SEM1: variants seen among roughly 807,000 people sequenced by gnomAD.
The protein encoded by SEM1 is SEM1 26S proteasome subunit, also known as 26S proteasome complex subunit SEM1.
A neutral mutation model predicts 12.7 loss-of-function variants in SEM1; 3 were observed. The ratio of observed to expected loss-of-function variants is 0.24; its 90% CI spans 0.11 to 0.61. SEM1 has a LOEUF of 0.61. Among genes scored for constraint, SEM1 ranks in the 20% least tolerant of loss-of-function variants. The pLI, the probability that SEM1 is intolerant of heterozygous loss-of-function variation, is 0.88. For synonymous variants in SEM1, 30 were observed against 27.8 expected (o/e 1.08, Z -0.25); for missense variants, 59 against 81.3 (o/e 0.73, Z 1.06).
chr7:96,541,891 A>G (rs536552313), intron 2 of SEM1, among the ~76,000 whole-genome samples: 3 of 142,950 alleles, frequency 2.1e-5, no homozygotes, highest in African/African-American at 7.7e-5. Flanking sequence ...AAATGGCTGT[A>G]GGTGTATGGC....
intron 2 of SEM1, among the ~76,000 whole-genome samples, chr7:96,532,098 A>AG (rs1301607370): frequency 6.6e-6 from 1 of 152,030 alleles, no homozygotes; most frequent in African/African-American, 2.4e-5. Context: ...CCTTTGATAT[A>AG]GGGGCTGTAT....
rs1802744131 is a variant in SEM1 at position 96,486,103 on chromosome 7, GT to G, written c.227+99del. On this transcript the variant is annotated intron_variant, in intron 2 of 3. Transcript: ENST00000356686. ...AGATCACGGTTGAGTATGTCACAAT[GT>G]TGCTGGCCTTTAGTTTTAGTATCTG... 3.7e-6 allele frequency: 3 copies of G among 800,724 alleles called. No individual in the cohort carries two copies. In the South Asian group the frequency reaches 5.3e-5, roughly 14 times the overall value. The allele number at this position is 800,724 out of a possible 1,614,324, so 49.6% of individuals were successfully genotyped here. A position where few individuals can be genotyped will look rare whatever the true frequency, so the allele number is the denominator to read the frequency against.
chr7:96,679,664 A>C lies in SEM1; in HGVS notation c.171-5805T>G, dbSNP rs902669950. On this transcript the variant is annotated intron_variant, in intron 2 of 2. Coordinates refer to the SEM1 transcript ENST00000413065. ...CTCTTTTGCCAGGACATAAGGTTTA[A>C]ATTGTCTAGATACAACCAATTAGAT... Among the ~76,000 whole-genome samples, 17 of 152,208 alleles carry C rather than the reference A, an allele frequency of 1.1e-4. No homozygotes were observed. The East Asian group carries it at 1.9e-3, about 17-fold the overall frequency.
At chr7:96,614,933 T>A (rs1807663548) in intron 2 of SEM1, among the ~76,000 whole-genome samples, 1 of 152,224 alleles carries the variant, frequency 6.6e-6, no homozygotes, top group South Asian at 2.1e-4. Flanking sequence ...TTGTTTTTTC[T>A]TATGAGCCTC....
At chr7:96,583,216 C>A (rs1379536976) in intron 2 of SEM1, among the ~76,000 whole-genome samples, 1 of 149,144 alleles carries the variant, frequency 6.7e-6, no homozygotes, top group Non-Finnish European at 1.5e-5. Context: ...TTTCTGCCTT[C>A]ATTTCGTTAT....
Position 96,552,024 on chromosome 7 carries a change from C to T in SEM1, c.171-45326G>A, listed in dbSNP as rs1037670563. Among the ~76,000 whole-genome samples, 69 of 152,148 alleles carry T rather than the reference C, an allele frequency of 4.5e-4. 1 individual carries two copies. Among genetic ancestry groups the T allele is most frequent in the Admixed American group, 4.3e-3 (65 of 15,278 alleles). ...AGTACACAGAGTTGAGGTTGCCCCT[C>T]GCAGGAGTCTCACATCCCACAGGAA... On this transcript the variant is annotated intron_variant and NMD_transcript_variant, in intron 2 of 3. Transcript: ENST00000466986.
chr7:96,682,060 T>C (rs934844035), intron 2 of SEM1, among the ~76,000 whole-genome samples: 3 of 152,142 alleles, frequency 2.0e-5, no homozygotes, highest in African/African-American at 7.2e-5. Context: ...TCTTATTTCC[T>C]TGAGCAGTGG....
chr7:96,588,906 A>G (rs1806742272), intron 2 of SEM1, among the ~76,000 whole-genome samples: 1 of 152,268 alleles, frequency 6.6e-6, no homozygotes, highest in African/African-American at 2.4e-5. Flanking sequence ...ACATGGGTAT[A>G]TGTAAACCAT....
At chr7:96,635,628 A>C (rs960544483) in intron 2 of SEM1, among the ~76,000 whole-genome samples, 1 of 151,882 alleles carries the variant, frequency 6.6e-6, no homozygotes, top group Non-Finnish European at 1.5e-5. Context: ...TAGTTGAAGC[A>C]ATATACAAAC....
chr7:96,647,186 A>G (rs1463639711), intron 2 of SEM1, among the ~76,000 whole-genome samples: 4 of 152,178 alleles, frequency 2.6e-5, no homozygotes, highest in African/African-American at 9.7e-5. Flanking sequence ...GAGGTGAGGT[A>G]TAGCACTGCA....
rs895329851 is a variant in SEM1, at chr7:96,607,463, A to G, written c.170+87335T>C. 2.0e-5 allele frequency among the ~76,000 whole-genome samples: 3 copies of G among 152,356 alleles called. No homozygotes were observed. In the South Asian group the frequency reaches 6.2e-4, roughly 32 times the overall value. On this transcript the variant is annotated intron_variant and NMD_transcript_variant, in intron 2 of 3. Transcript: ENST00000466986. ...ATAGACTGTTCACTCTTTTTGAGGA[A>G]GAAATGTTTATGGTAAAATTATCTC...
chr7:96,704,261 GAAA>G (rs1790374468), intron 1 of SEM1, among the ~76,000 whole-genome samples: 1 of 151,648 alleles, frequency 6.6e-6, no homozygotes, highest in African/African-American at 2.4e-5. Flanking sequence ...GGATACTAAA[GAAA>G]AAAACATTTA....
intron 2 of SEM1, among the ~76,000 whole-genome samples, chr7:96,624,169 T>TATC (rs1563087434): frequency 6.6e-6 from 1 of 152,210 alleles, no homozygotes; most frequent in Non-Finnish European, 1.5e-5. Context: ...ACCACCATTC[T>TATC]ATCTACTAAA....
At chr7:96,593,952 A>G (rs1190221905) in intron 2 of SEM1, among the ~76,000 whole-genome samples, 2 of 151,118 alleles carry the variant, frequency 1.3e-5, no homozygotes, top group East Asian at 3.9e-4. Flanking sequence ...TTTACCCCTC[A>G]TATTGTTTTG....
intron 2 of SEM1, among the ~76,000 whole-genome samples, chr7:96,528,795 AAGTGCTAG>A (rs1031017308): frequency 6.6e-6 from 1 of 152,022 alleles, no homozygotes; most frequent in African/African-American, 2.4e-5. Flanking sequence ...ATACATATTA[AAGTGCTAG>A]AGTATGGAAG....
rs556308431 is a variant in SEM1, at chr7:96,552,053, T to C, written c.171-45355A>G. On this transcript the variant is annotated intron_variant and NMD_transcript_variant, in intron 2 of 3. Coordinates refer to the SEM1 transcript ENST00000466986. ...GGAGTCTCACATCCCACAGGAATGGTCCAGTGCCAGCACTCTGTCATGTTC... is the reference window on the plus strand; with the variant it reads ...GGAGTCTCACATCCCACAGGAATGGCCCAGTGCCAGCACTCTGTCATGTTC... 1.4e-3 allele frequency among the ~76,000 whole-genome samples: 210 copies of C among 152,310 alleles called. 1 individual carries two copies. The highest frequency in any genetic ancestry group is 4.6e-3 in the South Asian group (22 of 4,824).
At chr7:96,535,307 T>A (rs2115743181) in intron 2 of SEM1, among the ~76,000 whole-genome samples, 1 of 152,012 alleles carries the variant, frequency 6.6e-6, no homozygotes, top group South Asian at 2.1e-4. Flanking sequence ...ATAATCATTC[T>A]TACAAGCAAA....
intron 2 of SEM1, among the ~76,000 whole-genome samples, chr7:96,539,259 A>G (rs1349101699): frequency 6.6e-6 from 1 of 151,842 alleles, no homozygotes; most frequent in East Asian, 1.9e-4. Context: ...CATGAAGCAG[A>G]GAATCTGGCT....
At chr7:96,529,665 T>C (rs1039519786) in intron 2 of SEM1, among the ~76,000 whole-genome samples, 1 of 152,148 alleles carries the variant, frequency 6.6e-6, no homozygotes, top group South Asian at 2.1e-4. Context: ...TTAGAATTAT[T>C]TGGAGTACAG....
Sources: allele counts gnomAD v4.1 joint callset (sites outside exome capture counted in the v4.1 genomes callset), GRCh38; gene constraint gnomAD v4.1.1; transcripts MANE v1.5; gene names NCBI Gene and HGNC (gene_info 2026-07-23, HGNC 2026-07-21).